Variants in DAB1 observed in about 807,000 individuals in gnomAD.
DAB1 encodes the protein disabled homolog 1.
Under a neutral mutation model 64.6 loss-of-function variants are expected in DAB1, and 15 were observed. That is an observed-to-expected ratio of 0.23 (90% CI 0.16 to 0.36). DAB1 has a LOEUF of 0.36. DAB1 is among the 10% of genes least tolerant of loss of function. The pLI, the probability that DAB1 is intolerant of heterozygous loss-of-function variation, is 1.00. For synonymous variants in DAB1, 235 were observed against 251.9 expected, an observed-to-expected ratio of 0.93 and a Z score of 0.64; for missense variants, 596 against 706.7, an observed-to-expected ratio of 0.84 and a Z score of 1.78.
chr1:58,534,111 G>A, intron 1 of DAB1: 2 of 866,602 alleles, frequency 2.3e-6, no homozygotes, highest in East Asian at 2.4e-5. Context: ...TAAAAAATAA[G>A]GACAATAAAT....
intron 1 of DAB1, among the ~76,000 whole-genome samples, chr1:57,422,774 G>T (rs1391195287): frequency 6.6e-6 from 1 of 152,186 alleles, no homozygotes; most frequent in African/African-American, 2.4e-5. Flanking sequence ...GGCGGGTCTG[G>T]GAGCAGCCAA....
intron 7 of DAB1, among the ~76,000 whole-genome samples, chr1:57,430,542 A>AT (rs971350471): frequency 2.6e-4 from 39 of 151,780 alleles, no homozygotes; most frequent in South Asian, 6.3e-4. Context: ...TGCCTGGCTA[A>AT]TTTTTTTTGT....
At chr1:57,787,162 T>A (rs1650373776) in intron 6 of DAB1, among the ~76,000 whole-genome samples, 1 of 152,202 alleles carries the variant, frequency 6.6e-6, no homozygotes, top group South Asian at 2.1e-4. Context: ...ATTGTCCGGC[T>A]AATTATAAAA....
rs527357073 is a variant in DAB1 at position 57,002,371 on chromosome 1, G to C, written c.*16-4243C>G. Among the ~76,000 whole-genome samples the C allele has an allele frequency of 2.6e-5, 4 of 152,268 alleles. No homozygotes were observed. The South Asian group carries it at 6.2e-4, about 24-fold the overall frequency. ...CTCAGCGCAGAGGGAGGAGCAATGAGGCATCTCTGAAAGAGGGTGTTAGAA... is the reference window on the plus strand; with the variant it reads ...CTCAGCGCAGAGGGAGGAGCAATGACGCATCTCTGAAAGAGGGTGTTAGAA... On this transcript the variant is annotated intron_variant, in intron 14 of 14. Transcript: ENST00000371236.
chr1:57,406,542 G>A (rs560573665), intron 1 of DAB1, among the ~76,000 whole-genome samples: 1 of 152,098 alleles, frequency 6.6e-6, no homozygotes, highest in Non-Finnish European at 1.5e-5. Context: ...AGAGCACAAG[G>A]CCCTTTCACA....
chr1:57,296,853 T>A (rs1008139475), intron 1 of DAB1, among the ~76,000 whole-genome samples: 1 of 152,140 alleles, frequency 6.6e-6, no homozygotes, highest in Admixed American at 6.6e-5. Flanking sequence ...CAGGCAAGAA[T>A]CATCAACAGA....
At chr1:57,790,779 G>A (rs1375239364) in intron 6 of DAB1, among the ~76,000 whole-genome samples, 1 of 152,198 alleles carries the variant, frequency 6.6e-6, no homozygotes, top group Non-Finnish European at 1.5e-5. Context: ...GTTGCAAACA[G>A]TGAATGGCGA....
rs184646278 is a variant in DAB1 at position 57,244,891 on chromosome 1, C to A, written c.67+46073G>T. ...GATATGGTTTAACTCTGTGTCCTTA[C>A]CCAAATCTCATGTCGAATTGTAATC... On this transcript the variant is annotated intron_variant, in intron 2 of 14. Coordinates refer to ENST00000371236, the MANE Select transcript of DAB1 (RefSeq NM_001365792.1). Among the ~76,000 whole-genome samples, 146 of 152,290 alleles carry A rather than the reference C, an allele frequency of 9.6e-4. 1 individual carries two copies. Among genetic ancestry groups the A allele is most frequent in the African/African-American group, 3.4e-3 (140 of 41,552 alleles).
intron 7 of DAB1, chr1:57,605,732 C>T (rs1645628046): frequency 3.3e-6 from 1 of 306,414 alleles, no homozygotes; most frequent in Non-Finnish European, 6.3e-6. Context: ...TTCTTCTAAA[C>T]ACAGTTTAAT....
intron 5 of DAB1, among the ~76,000 whole-genome samples, chr1:57,972,023 T>C (rs1212074098): frequency 6.6e-6 from 1 of 152,196 alleles, no homozygotes; most frequent in Non-Finnish European, 1.5e-5. Context: ...TCCTATCGCC[T>C]GAAAAAGCAA....
intron 4 of DAB1, among the ~76,000 whole-genome samples, chr1:58,317,605 AT>A (rs1197533336): frequency 2.0e-5 from 3 of 152,196 alleles, no homozygotes; most frequent in African/African-American, 7.2e-5. Flanking sequence ...AGGACCACAG[AT>A]GCAACCCGAA....
chr1:57,822,891 G>A (rs1652182456), downstream of DAB1, among the ~76,000 whole-genome samples: 4 of 151,854 alleles, frequency 2.6e-5, no homozygotes, highest in South Asian at 8.3e-4. Context: ...TTGAAGAATA[G>A]GTAGGCTTTG....
chr1:57,861,887 G>T (rs1350033182), intron 1 of DAB1, among the ~76,000 whole-genome samples: 1 of 151,780 alleles, frequency 6.6e-6, no homozygotes, highest in Non-Finnish European at 1.5e-5. Context: ...GAATAGGAGA[G>T]ACATGAGAAG....
At chr1:57,399,556 G>A (rs1021193098) in intron 1 of DAB1, among the ~76,000 whole-genome samples, 1 of 152,200 alleles carries the variant, frequency 6.6e-6, no homozygotes, top group African/African-American at 2.4e-5. Context: ...AATCTGGAGA[G>A]TACATATGAC....
At chr1:57,073,772 C>T (rs1490013327) in intron 4 of DAB1, among the ~76,000 whole-genome samples, 2 of 152,084 alleles carry the variant, frequency 1.3e-5, no homozygotes, top group African/African-American at 2.4e-5. Flanking sequence ...TAAAAAGAGG[C>T]CCCATGCAAT....
chr1:57,673,571 T>C (rs1646532205), intron 6 of DAB1, among the ~76,000 whole-genome samples: 1 of 152,138 alleles, frequency 6.6e-6, no homozygotes, highest in Admixed American at 6.6e-5. Context: ...TGCAGGCTGA[T>C]TATACAGTAA....
intron 3 of DAB1, chr1:58,480,947 T>A (rs1343090904): frequency 1.2e-6 from 1 of 852,712 alleles, no homozygotes; most frequent in African/African-American, 1.6e-5. Context: ...ATATATCTTG[T>A]GTCTCATAAA....
chr1:58,305,102 G>T (rs1283752315), intron 4 of DAB1, among the ~76,000 whole-genome samples: 2 of 151,960 alleles, frequency 1.3e-5, no homozygotes, highest in African/African-American at 4.8e-5. Context: ...GTAATCACAG[G>T]TGCAATTCAC....
At chr1:57,811,258 G>A (rs1464956883) in intron 6 of DAB1, among the ~76,000 whole-genome samples, 1 of 152,192 alleles carries the variant, frequency 6.6e-6, no homozygotes, top group African/African-American at 2.4e-5. Flanking sequence ...CCCCAATGTC[G>A]AAGGTGGGGG....
Sources: allele counts gnomAD v4.1 joint callset (sites outside exome capture counted in the v4.1 genomes callset), GRCh38; gene constraint gnomAD v4.1.1; transcripts MANE v1.5; gene names NCBI Gene and HGNC (gene_info 2026-07-23, HGNC 2026-07-21).